Variants in NRL observed in about 807,000 individuals in gnomAD.
NRL encodes neural retina-specific leucine zipper protein.
A neutral mutation model predicts 12.5 loss-of-function variants in NRL; 16 were observed. The ratio of observed to expected loss-of-function variants is 1.28; its 90% CI spans 0.87 to 1.95. The LOEUF is 1.95. Among genes scored for constraint, NRL ranks in the 30% most tolerant of loss-of-function variants. The pLI is 0.00. For synonymous variants in NRL, 142 were observed against 150.9 expected (o/e 0.94, Z 0.43); for missense variants, 314 against 325.8 (o/e 0.96, Z 0.28).
chr14:24,100,036 G>A, intron 1 of NRL: 1 of 1,613,946 alleles, frequency 6.2e-7, no homozygotes, highest in Non-Finnish European at 8.5e-7. Context: ...CTTCTTTGGG[G>A]TTGCCCCTGG....
Position 24,091,547 on chromosome 14 carries a change from G to A in NRL, c.-27-8672C>T, listed in dbSNP as rs954512878. 1.3e-4 allele frequency among the ~76,000 whole-genome samples: 20 copies of A among 152,178 alleles called. 1 individual carries two copies. Among genetic ancestry groups the A allele is most frequent in the Non-Finnish European group, 8.8e-5 (6 of 68,030 alleles). ...CATGTGATGGAAAGAGCCTGGAAGAGATTTTAAGCTTAAGAGTGATATGAT... is the reference window on the plus strand; with the variant it reads ...CATGTGATGGAAAGAGCCTGGAAGAAATTTTAAGCTTAAGAGTGATATGAT... On this transcript the variant is annotated intron_variant, in intron 1 of 2. Transcript: ENST00000561028.
At position 24,102,702 on chromosome 14, in the gene NRL, T is replaced by C. The variant is rs916154; in HGVS notation, c.-28+12020A>G. The C allele has an allele frequency of 3.7e-3, 5,785 of 1,548,474 alleles. 187 individuals carry two copies. In the African/African-American group the frequency reaches 0.072, roughly 19 times the overall value. ...AATGTGTGCCCATGTATGTGTGTGT[T>C]GGGGGTCGACATGACCTTGGAAATA... On this transcript the variant is annotated intron_variant, in intron 1 of 2. Coordinates refer to ENST00000561028, the MANE Select transcript of NRL (RefSeq NM_001354768.3).
chr14:24,103,082 C>A, intron 1 of NRL: 1 of 1,260,718 alleles, frequency 7.9e-7, no homozygotes, highest in South Asian at 1.2e-5. Context: ...GAGAGAGTAC[C>A]AGTCAAGCTC....
At chr14:24,103,102 G>A in intron 1 of NRL, 1 of 1,389,332 alleles carries the variant, frequency 7.2e-7, no homozygotes, top group Non-Finnish European at 1.0e-6. Context: ...CACCAGAAGG[G>A]CTGGAGTTAG....
At chr14:24,102,073 A>C (rs1566580267) in intron 1 of NRL, among the ~76,000 whole-genome samples, 1 of 144,446 alleles carries the variant, frequency 6.9e-6, no homozygotes, top group South Asian at 2.2e-4. Context: ...TAAAAATACA[A>C]AAAAATCAGC....
At chr14:24,101,750 C>T (rs1300820472) in intron 1 of NRL, among the ~76,000 whole-genome samples, 1 of 152,066 alleles carries the variant, frequency 6.6e-6, no homozygotes, top group Non-Finnish European at 1.5e-5. Flanking sequence ...GGCAAAACCC[C>T]GTCTCCAATA....
chr14:24,081,165 AC>A lies in NRL; in HGVS notation c.*70del. 3.6e-6 allele frequency: 4 copies of A among 1,123,146 alleles called. No homozygotes were observed. Among genetic ancestry groups the A allele is most frequent in the Non-Finnish European group, 4.7e-6 (4 of 853,038 alleles). 69.6% of individuals were successfully genotyped at this position (1,123,146 alleles called of 1,614,324 possible). On this transcript the variant is annotated 3_prime_UTR_variant, in exon 3 of 3. Coordinates refer to ENST00000561028, the MANE Select transcript of NRL (RefSeq NM_001354768.3). This position sits in a 1 kb window ranked among gnomAD's most constrained non-coding sequence, Gnocchi z 4.4. ...AGGCGCTCTGGTAACGATGCAGAGAACCGTGCAGCCGCCTCCTGGGCGGAGC... is the reference window on the plus strand; with the variant it reads ...AGGCGCTCTGGTAACGATGCAGAGAACGTGCAGCCGCCTCCTGGGCGGAGC...
Position 24,081,750 on chromosome 14 carries a change from C to G in NRL, c.382-182G>C. On this transcript the variant is annotated intron_variant, in intron 2 of 2. Transcript: ENST00000561028. This position sits in a 1 kb window ranked among gnomAD's most constrained non-coding sequence, Gnocchi z 4.4. ...AGCCCGCCCCAGGCCCCGACGCTCC[C>G]CGGGCCCCCCAGCTGACCGTTGCTC... 2 of 1,521,616 alleles carry G rather than the reference C, an allele frequency of 1.3e-6. No homozygotes were observed. Among genetic ancestry groups the G allele is most frequent in the African/African-American group, 2.8e-5 (2 of 72,330 alleles). The allele number at this position is 1,521,616 out of a possible 1,614,324, so 94.3% of individuals were successfully genotyped here. A position where few individuals can be genotyped will look rare whatever the true frequency, so the allele number is the denominator to read the frequency against.
chr14:24,108,293 G>C (rs897511438), intron 1 of NRL, among the ~76,000 whole-genome samples: 1 of 152,196 alleles, frequency 6.6e-6, no homozygotes, highest in Non-Finnish European at 1.5e-5. Context: ...AGCGACAGAA[G>C]ATAAAACCTC....
intron 1 of NRL, among the ~76,000 whole-genome samples, chr14:24,086,570 G>A (rs2036472307): frequency 2.0e-5 from 3 of 152,206 alleles, no homozygotes; most frequent in Admixed American, 2.0e-4. Context: ...ACATGCCCAT[G>A]GAATGTAGCT....
intron 2 of NRL, 88 bp downstream of exon 2, chr14:24,082,380 T>C: frequency 6.5e-7 from 1 of 1,547,096 alleles, no homozygotes; most frequent in Non-Finnish European, 8.9e-7. Flanking sequence ...TCCCAGTCCA[T>C]AACCCCCTCT....
chr14:24,098,488 T>TCA (rs760797632), intron 1 of NRL: 1 of 1,614,086 alleles, frequency 6.2e-7, no homozygotes, highest in Non-Finnish European at 8.5e-7. Flanking sequence ...GCACCATGTA[T>TCA]GTGCTTCCAT....
intron 1 of NRL, chr14:24,100,260 C>T (rs2037109262): frequency 1.3e-6 from 2 of 1,599,900 alleles, no homozygotes; most frequent in Non-Finnish European, 1.7e-6. Context: ...GCCTCAGCAC[C>T]TTAATGGTGG....
chr14:24,113,901 C>T (rs2037470995), intron 1 of NRL, among the ~76,000 whole-genome samples: 2 of 152,266 alleles, frequency 1.3e-5, no homozygotes, highest in Admixed American at 1.3e-4. Flanking sequence ...GAATGAAGTT[C>T]AGCTCGGACC....
Position 24,109,819 on chromosome 14 carries a change from T to G in NRL, c.-28+4903A>C, listed in dbSNP as rs2037392397. ...ATTTTGTCATAAAACCTCAGTTATT[T>G]TAACATTTACCATGACTTTTAAATG... is the stretch of plus-strand genomic sequence containing the variant. On this transcript the variant is annotated intron_variant, in intron 1 of 2. Coordinates refer to ENST00000561028, the MANE Select transcript of NRL (RefSeq NM_001354768.3). Among the ~76,000 whole-genome samples the G allele has an allele frequency of 2.0e-5, 3 of 152,212 alleles. No individual in the cohort carries two copies. The South Asian group carries it at 6.2e-4, about 32-fold the overall frequency.
At chr14:24,100,241 A>C in intron 1 of NRL, 1 of 1,613,102 alleles carries the variant, frequency 6.2e-7, no homozygotes. Flanking sequence ...GGTGTGGCAC[A>C]GCCTCCAGGC....
rs2036777172 is a variant in NRL at position 24,094,663 on chromosome 14, G to T, written c.-27-11788C>A. On this transcript the variant is annotated intron_variant, in intron 1 of 2. Transcript: ENST00000561028. This position sits in a 1 kb window ranked among gnomAD's most constrained non-coding sequence, Gnocchi z 4.1. ...GCACCTCCCCTTCTCTGCCTCGCTC[G>T]CCTCTGACCGCGCGATCTCTATCTG... 1 of 1,507,218 alleles carries T rather than the reference G, an allele frequency of 6.6e-7. No individual in the cohort carries two copies. The highest frequency in any genetic ancestry group is 8.9e-7 in the Non-Finnish European group (1 of 1,129,752). The allele number at this position is 1,507,218 out of a possible 1,614,324, so 93.4% of individuals were successfully genotyped here. A position where few individuals can be genotyped will look rare whatever the true frequency, so the allele number is the denominator to read the frequency against.
In NRL at chr14:24,094,245, G is replaced by C. The variant is rs1323828374; in HGVS notation, c.-27-11370C>G. 10 of 671,000 alleles carry C rather than the reference G, an allele frequency of 1.5e-5. No homozygotes were observed. In the East Asian group the frequency reaches 1.9e-4, roughly 13 times the overall value. 41.6% of individuals were successfully genotyped at this position (671,000 alleles called of 1,614,324 possible). A position where few individuals can be genotyped will look rare whatever the true frequency, so the allele number is the denominator to read the frequency against. ...GCGGGGCGGAGGAAAGCTAGTGCCA[G>C]CCCTACCAGGTTCCGCCCCCGCGCC... On this transcript the variant is annotated intron_variant, in intron 1 of 2. Transcript: ENST00000561028. The surrounding 1 kb of genome is among the most constrained non-coding windows in gnomAD (Gnocchi z 4.1).
chr14:24,095,895 C>T (rs528431203), intron 1 of NRL, among the ~76,000 whole-genome samples: 1 of 152,276 alleles, frequency 6.6e-6, no homozygotes, highest in East Asian at 1.9e-4. Flanking sequence ...AATACTTACC[C>T]GAGGGCAACA....
Sources: allele counts gnomAD v4.1 joint callset (sites outside exome capture counted in the v4.1 genomes callset), GRCh38; gene constraint gnomAD v4.1.1; non-coding constraint Gnocchi (gnomAD v3.1); transcripts MANE v1.5; gene names NCBI Gene and HGNC (gene_info 2026-07-23, HGNC 2026-07-21).